Variants in GRM5 observed in about 807,000 individuals in gnomAD.
The protein encoded by GRM5 is glutamate metabotropic receptor 5, also known as metabotropic glutamate receptor 5.
GRM5 carries 19 observed loss-of-function variants against 83.1 expected under a neutral mutation model. That is an observed-to-expected ratio of 0.23 (90% CI 0.16 to 0.34). The LOEUF is 0.34. GRM5 is among the 10% of genes least tolerant of loss of function. The pLI, the probability that GRM5 is intolerant of heterozygous loss-of-function variation, is 1.00. For synonymous variants in GRM5, 675 were observed against 633.6 expected (o/e 1.07, Z -0.98); for missense variants, 1,160 against 1,588.3 (o/e 0.73, Z 4.58).
intron 4 of GRM5, among the ~76,000 whole-genome samples, chr11:88,615,547 G>A (rs533598074): frequency 2.0e-5 from 3 of 151,270 alleles, no homozygotes; most frequent in South Asian, 2.1e-4. Flanking sequence ...AGCTGAGACA[G>A]CTCCATTGAA....
At chr11:88,675,660 G>A (rs990738190) in intron 3 of GRM5, among the ~76,000 whole-genome samples, 6 of 152,086 alleles carry the variant, frequency 3.9e-5, no homozygotes, top group African/African-American at 1.4e-4. Flanking sequence ...AGTAGTGAGA[G>A]TAAGCTTTAA....
In GRM5 at chr11:88,567,934, A is replaced by G; in HGVS notation, c.1749T>C (p.Ala583=). The part of the protein sequence containing the change: ...LRWGDPEPIA[A]VVFACLGLLA... ...GGAGGCCAAGGCAGGCAAACACCAC[A>G]GCTGCAATGGGTTCAGGGTCACCCC... Residue 583 remains alanine, a synonymous_variant, in exon 8 of 10, where the codon GCT becomes GCC. Coordinates refer to ENST00000305447, the MANE Select transcript of GRM5 (RefSeq NM_001143831.3). The surrounding 1 kb of genome is among the most constrained non-coding windows in gnomAD (Gnocchi z 7.3). The G allele has an allele frequency of 6.2e-7, 1 of 1,614,046 alleles. No individual in the cohort carries two copies. Among genetic ancestry groups the G allele is most frequent in the Non-Finnish European group, 8.5e-7 (1 of 1,179,928 alleles).
At chr11:88,978,474 T>TAAAAAAAAAAA (rs200343438) in intron 2 of GRM5, among the ~76,000 whole-genome samples, 6 of 97,980 alleles carry the variant, frequency 6.1e-5, no homozygotes, top group Non-Finnish European at 8.4e-5. Flanking sequence ...CAGATGAGCT[T>TAAAAAAAAAAA]AAAAAAAAAA....
At chr11:88,760,698 C>T (rs1942494187) in intron 3 of GRM5, among the ~76,000 whole-genome samples, 1 of 152,096 alleles carries the variant, frequency 6.6e-6, no homozygotes, top group South Asian at 2.1e-4. Flanking sequence ...TCCTGCCTAA[C>T]TCATTCTACA....
intron 8 of GRM5, among the ~76,000 whole-genome samples, chr11:88,526,750 T>C (rs1457181520): frequency 6.6e-6 from 1 of 152,158 alleles, no homozygotes; most frequent in Non-Finnish European, 1.5e-5. Flanking sequence ...TTCTAAAATG[T>C]TTAAAGTATC....
At chr11:88,652,314 A>C (rs938610084) in intron 4 of GRM5, among the ~76,000 whole-genome samples, 5 of 152,060 alleles carry the variant, frequency 3.3e-5, no homozygotes, top group Non-Finnish European at 7.4e-5. Context: ...CAATTTTTAC[A>C]AACTTTAACC....
chr11:88,599,431 A>G (rs1182392808), intron 5 of GRM5, among the ~76,000 whole-genome samples: 3 of 152,214 alleles, frequency 2.0e-5, no homozygotes, highest in Non-Finnish European at 4.4e-5. Flanking sequence ...TCACAGCTTA[A>G]GCTGTGAAAA....
intron 3 of GRM5, among the ~76,000 whole-genome samples, chr11:88,785,387 G>T (rs943838652): frequency 6.6e-6 from 1 of 152,022 alleles, no homozygotes; most frequent in African/African-American, 2.4e-5. Flanking sequence ...AAGAAGAAAG[G>T]CTAGTTTGTA....
chr11:88,718,669 G>A (rs1210086936), intron 3 of GRM5, among the ~76,000 whole-genome samples: 1 of 151,756 alleles, frequency 6.6e-6, no homozygotes. Context: ...TTCCTCATAG[G>A]CTCAGTTCAC....
chr11:88,600,619 A>G (rs1410049825), intron 5 of GRM5, among the ~76,000 whole-genome samples: 1 of 152,184 alleles, frequency 6.6e-6, no homozygotes, highest in Non-Finnish European at 1.5e-5. Flanking sequence ...ATTTAAGGTA[A>G]ACTAGAGAAA....
At chr11:89,036,159 A>AC (rs1941379728) in intron 2 of GRM5, among the ~76,000 whole-genome samples, 1 of 152,124 alleles carries the variant, frequency 6.6e-6, no homozygotes, top group Non-Finnish European at 1.5e-5. Flanking sequence ...AACCATGTTC[A>AC]CAGCTCTGGA....
chr11:88,874,966 G>A (rs1448612089), intron 2 of GRM5, among the ~76,000 whole-genome samples: 1 of 151,970 alleles, frequency 6.6e-6, no homozygotes, highest in African/African-American at 2.4e-5. Flanking sequence ...TTTGCTGATA[G>A]AGGATCTTGT....
intron 5 of GRM5, among the ~76,000 whole-genome samples, chr11:88,597,820 C>T (rs1207451525): frequency 1.3e-5 from 2 of 152,002 alleles, no homozygotes; most frequent in Non-Finnish European, 2.9e-5. Context: ...TCTTACTTTG[C>T]CCATTATCAA....
intron 6 of GRM5, among the ~76,000 whole-genome samples, chr11:88,593,825 A>G (rs1288366187): frequency 1.7e-5 from 2 of 115,754 alleles, no homozygotes; most frequent in Non-Finnish European, 3.4e-5. Context: ...ACGTAGTCTC[A>G]CTCTGTCGCC....
At chr11:89,064,333 AT>A (rs893713549) in intron 1 of GRM5, among the ~76,000 whole-genome samples, 86 of 152,352 alleles carry the variant, frequency 5.6e-4, no homozygotes, top group African/African-American at 2.0e-3. Flanking sequence ...CACTAAAAAA[AT>A]AGCATATGAC....
intron 9 of GRM5, among the ~76,000 whole-genome samples, chr11:88,525,014 G>A (rs973716): frequency 0.13 from 19,967 of 152,162 alleles, 1,443 homozygotes; most frequent in Non-Finnish European, 0.16. Context: ...CTCCAGAACC[G>A]TTTGACCAAT....
Position 88,712,237 on chromosome 11 carries a change from C to T in GRM5, c.912-58834G>A, listed in dbSNP as rs189949626. Among the ~76,000 whole-genome samples the T allele has an allele frequency of 3.3e-5, 5 of 152,058 alleles. 1 individual carries two copies. The highest frequency in any genetic ancestry group is 1.3e-4 in the Admixed American group (2 of 15,252). ...AAAATTAACATATTGTATGATTACT[C>T]TGAGGTCCATTATTTTTGTTGAATA... On this transcript the variant is annotated intron_variant, in intron 3 of 9. Coordinates refer to ENST00000305447, the MANE Select transcript of GRM5 (RefSeq NM_001143831.3).
At chr11:88,570,225 T>C (rs1284247673) in intron 7 of GRM5, among the ~76,000 whole-genome samples, 1 of 152,138 alleles carries the variant, frequency 6.6e-6, no homozygotes, top group African/African-American at 2.4e-5. Context: ...TGTAAAATGT[T>C]TCTATGGGAA....
chr11:88,636,267 T>TA (rs1401889208), intron 4 of GRM5, among the ~76,000 whole-genome samples: 21 of 152,224 alleles, frequency 1.4e-4, no homozygotes, highest in African/African-American at 4.8e-4. Flanking sequence ...ATCCCAGCAC[T>TA]TTGGGAGGCC....
Sources: gnomAD v4.1 joint callset for allele counts (sites outside exome capture counted in the v4.1 genomes callset) on GRCh38, gnomAD v4.1.1 for gene constraint, Gnocchi (gnomAD v3.1) non-coding constraint, MANE v1.5 for transcripts, NCBI Gene and HGNC (gene_info 2026-07-23, HGNC 2026-07-21) for gene names.